KIAA1217: variants seen among roughly 807,000 people sequenced by gnomAD.
KIAA1217 encodes the protein KIAA1217, also known as sickle tail protein homolog.
Under a neutral mutation model 163.9 loss-of-function variants are expected in KIAA1217, and 88 were observed. The observed-to-expected ratio is 0.54, with a 90% confidence interval of 0.45 to 0.64. The LOEUF (loss-of-function observed/expected upper bound fraction) is 0.64, where lower values mean the gene tolerates loss of function less well. Ranked by LOEUF, KIAA1217 falls within the 30% of genes least tolerant of loss-of-function variation. KIAA1217 has a pLI of 0.00. For synonymous variants in KIAA1217, 903 were observed against 923.1 expected, an observed-to-expected ratio of 0.98 and a Z score of 0.39; for missense variants, 2,372 against 2,475.0, an observed-to-expected ratio of 0.96 and a Z score of 0.88.
At position 24,473,214 on chromosome 10, in the gene KIAA1217, T is replaced by C; in HGVS notation, c.847-14T>C. The C allele has an allele frequency of 2.0e-6, 3 of 1,499,532 alleles. No homozygotes were observed. Among genetic ancestry groups the C allele is most frequent in the Non-Finnish European group, 2.7e-6 (3 of 1,120,094 alleles). The allele number at this position is 1,499,532 out of a possible 1,614,324, so 92.9% of individuals were successfully genotyped here. A position where few individuals can be genotyped will look rare whatever the true frequency, so the allele number is the denominator to read the frequency against. The stretch of plus-strand genomic sequence containing the variant: ...TATCAAAGTCAACTTTCTGATCCCT[T>C]GTTTTCTTTTCAGATGCAGAGAGAA... On this transcript the variant is annotated splice_polypyrimidine_tract_variant and intron_variant, in intron 5 of 20. Transcript: ENST00000376454.
chr10:24,359,132 C>G (rs1168518878), intron 2 of KIAA1217, among the ~76,000 whole-genome samples: 2 of 142,654 alleles, frequency 1.4e-5, no homozygotes, highest in African/African-American at 5.2e-5. Flanking sequence ...CTCTGTCACC[C>G]AGGCTGGAGT....
intron 2 of KIAA1217, 55 bp downstream of exon 2, chr10:24,219,964 G>A: frequency 6.7e-7 from 1 of 1,495,364 alleles, no homozygotes; most frequent in South Asian, 1.3e-5. Flanking sequence ...TGAACATCGA[G>A]GAAAGCAAAC....
intron 3 of KIAA1217, among the ~76,000 whole-genome samples, chr10:24,400,884 G>C (rs921239316): frequency 2.6e-5 from 4 of 150,968 alleles, no homozygotes; most frequent in African/African-American, 9.8e-5. Context: ...TGAGAGAATA[G>C]ATGAGAATTT....
chr10:23,937,694 A>T (rs1843590297), intron 1 of KIAA1217, among the ~76,000 whole-genome samples: 1 of 152,340 alleles, frequency 6.6e-6, no homozygotes, highest in Non-Finnish European at 1.5e-5. Context: ...CATCATAAGT[A>T]AATGGGAACT....
chr10:24,341,389 A>T (rs529108057), intron 2 of KIAA1217, among the ~76,000 whole-genome samples: 2 of 152,306 alleles, frequency 1.3e-5, no homozygotes, highest in Non-Finnish European at 2.9e-5. Context: ...TCCTAAAAAA[A>T]AAAAGACCTC....
intron 2 of KIAA1217, among the ~76,000 whole-genome samples, chr10:24,347,308 C>T (rs1258286522): frequency 1.3e-5 from 2 of 152,144 alleles, no homozygotes; most frequent in Non-Finnish European, 2.9e-5. Context: ...CGTGATCTTT[C>T]TCACCAAACT....
intron 1 of KIAA1217, among the ~76,000 whole-genome samples, chr10:24,217,458 G>A (rs1404887244): frequency 6.6e-6 from 1 of 152,116 alleles, no homozygotes; most frequent in Non-Finnish European, 1.5e-5. Flanking sequence ...GCTATAATTA[G>A]CAATGTAATG....
chr10:24,029,836 C>T (rs6482357), intron 2 of KIAA1217, among the ~76,000 whole-genome samples: 50,918 of 151,994 alleles, frequency 0.34, 8,861 homozygotes, highest in African/African-American at 0.42. Flanking sequence ...TAAGTTCCCT[C>T]ACACGGGCAT....
In KIAA1217 at chr10:23,967,929, G is replaced by C. The variant is rs193147133; in HGVS notation, c.-320-39296G>C. Reference sequence around the variant, plus strand: ...TGTGTGTGTGTGTGTGTGTGTGTGTGTGTGTGTATGGAGGACATGCCTTTT... The same window carrying C: ...TGTGTGTGTGTGTGTGTGTGTGTGTCTGTGTGTATGGAGGACATGCCTTTT... On this transcript the variant is annotated intron_variant, in intron 1 of 18. Coordinates refer to the KIAA1217 transcript ENST00000376462. 3.0e-3 allele frequency among the ~76,000 whole-genome samples: 454 copies of C among 149,646 alleles called. 2 individuals carry two copies. Among genetic ancestry groups the C allele is most frequent in the Admixed American group, 4.4e-3 (66 of 15,060 alleles).
chr10:23,846,235 G>T (rs1839022904), intron 1 of KIAA1217, among the ~76,000 whole-genome samples: 1 of 152,152 alleles, frequency 6.6e-6, no homozygotes, highest in Admixed American at 6.6e-5. Flanking sequence ...GGTTGCATAT[G>T]AAGTTTAAGG....
At chr10:24,449,632 A>T (rs2061237711) in intron 5 of KIAA1217, 1 of 985,294 alleles carries the variant, frequency 1.0e-6, no homozygotes, top group African/African-American at 1.7e-5. Flanking sequence ...TCCTTCTGTA[A>T]AAAACCCAAG....
In KIAA1217 at chr10:23,928,143, A is replaced by G. The variant is rs146808742; in HGVS notation, c.-320-79082A>G. Among the ~76,000 whole-genome samples the G allele has an allele frequency of 3.3e-5, 5 of 152,244 alleles. No homozygotes were observed. The East Asian group carries it at 9.7e-4, about 29-fold the overall frequency. ...CATCAAGCATTTCAGTCCCTCTTTG[A>G]GACATTGTGCTTGTGTATTTCACAA... is the stretch of plus-strand genomic sequence containing the variant. On this transcript the variant is annotated intron_variant, in intron 1 of 18. Coordinates refer to the KIAA1217 transcript ENST00000376462.
At chr10:23,933,766 A>C (rs1473827409) in intron 1 of KIAA1217, among the ~76,000 whole-genome samples, 1 of 152,178 alleles carries the variant, frequency 6.6e-6, no homozygotes, top group East Asian at 1.9e-4. Flanking sequence ...ACATTTACAC[A>C]ACCAACAAAC....
chr10:24,469,082 C>T (rs1004877897), intron 5 of KIAA1217, among the ~76,000 whole-genome samples: 2 of 151,942 alleles, frequency 1.3e-5, no homozygotes, highest in Non-Finnish European at 2.9e-5. Context: ...ATTTATCCTT[C>T]TGGACAGTTC....
intron 5 of KIAA1217, among the ~76,000 whole-genome samples, chr10:24,471,126 T>C (rs771480009): frequency 1.8e-4 from 28 of 152,350 alleles, no homozygotes; most frequent in Middle Eastern, 3.4e-3. Flanking sequence ...AGGCTCTGTT[T>C]CATTTTCAAC....
intron 9 of KIAA1217, among the ~76,000 whole-genome samples, chr10:24,503,243 G>A (rs1175830321): frequency 2.6e-5 from 4 of 152,122 alleles, no homozygotes; most frequent in Non-Finnish European, 4.4e-5. Flanking sequence ...GGATCATGAC[G>A]GTTGCTAGAA....
intron 1 of KIAA1217, among the ~76,000 whole-genome samples, chr10:23,818,351 A>ATATAG (rs1554802292): frequency 7.4e-6 from 1 of 134,908 alleles, no homozygotes; most frequent in Non-Finnish European, 1.6e-5. Context: ...TATATAAAAA[A>ATATAG]ATATATATAT....
At chr10:23,916,822 A>C (rs1386650760) in intron 1 of KIAA1217, among the ~76,000 whole-genome samples, 1 of 151,988 alleles carries the variant, frequency 6.6e-6, no homozygotes, top group Non-Finnish European at 1.5e-5. Flanking sequence ...AAATACAAAA[A>C]TTAGCTGGAT....
chr10:24,123,432 G>C (rs140134107), intron 2 of KIAA1217, among the ~76,000 whole-genome samples: 1 of 152,090 alleles, frequency 6.6e-6, no homozygotes, highest in East Asian at 1.9e-4. Flanking sequence ...CTGCAGTTTT[G>C]CCATTACAAC....
Sources: gnomAD v4.1 joint callset for allele counts (sites outside exome capture counted in the v4.1 genomes callset) on GRCh38, gnomAD v4.1.1 for gene constraint, MANE v1.5 for transcripts, NCBI Gene and HGNC (gene_info 2026-07-23, HGNC 2026-07-21) for gene names.